The following LCA5 variants were observed in gnomAD, a reference collection of about 807,000 sequenced individuals.
LCA5 encodes the protein lebercilin LCA5.
Under a neutral mutation model 53.0 loss-of-function variants are expected in LCA5, and 37 were observed. The observed-to-expected ratio is 0.70, with a 90% confidence interval of 0.54 to 0.92. The LOEUF (loss-of-function observed/expected upper bound fraction) is 0.92. Ranked by LOEUF, LCA5 falls within the 40% of genes least tolerant of loss-of-function variation. The probability of loss-of-function intolerance (pLI) is 0.00; values close to 1 mark genes in which losing one functional copy is unlikely to be tolerated. For synonymous variants in LCA5, 303 were observed against 282.9 expected (o/e 1.07, Z -0.71); for missense variants, 806 against 790.5 (o/e 1.02, Z -0.23).
At chr6:79,526,468 C>CA (rs1766793531) in intron 1 of LCA5, among the ~76,000 whole-genome samples, 1 of 152,002 alleles carries the variant, frequency 6.6e-6, no homozygotes, top group Non-Finnish European at 1.5e-5. Flanking sequence ...GGCGTGAACC[C>CA]AGGAGGCAGA....
intron 1 of LCA5, among the ~76,000 whole-genome samples, chr6:79,520,739 T>C (rs1766600893): frequency 6.6e-6 from 1 of 152,192 alleles, no homozygotes; most frequent in South Asian, 2.1e-4. Flanking sequence ...ATGAAGTATA[T>C]GTAATACTAT....
chr6:79,494,264 T>C (rs1319702313), intron 3 of LCA5, among the ~76,000 whole-genome samples: 1 of 151,986 alleles, frequency 6.6e-6, no homozygotes, highest in Non-Finnish European at 1.5e-5. Flanking sequence ...ACACACACAT[T>C]GCTTGGGCAA....
At chr6:79,527,718 C>T (rs1766833263) in intron 1 of LCA5, among the ~76,000 whole-genome samples, 1 of 152,154 alleles carries the variant, frequency 6.6e-6, no homozygotes, top group Admixed American at 6.5e-5. Flanking sequence ...ATTTAAAATG[C>T]AATCCTATAC....
At chr6:79,489,926 T>C (rs1433844769) in intron 6 of LCA5, among the ~76,000 whole-genome samples, 1 of 152,220 alleles carries the variant, frequency 6.6e-6, no homozygotes, top group East Asian at 1.9e-4. Context: ...TGGAAGTACA[T>C]GTGCAACTTC....
At position 79,510,780 on chromosome 6, in the gene LCA5, A is replaced by T. The variant is rs908699773; in HGVS notation, c.720+2432T>A. Among the ~76,000 whole-genome samples, 9 of 152,196 alleles carry T rather than the reference A, an allele frequency of 5.9e-5. 1 individual carries two copies. The highest frequency in any genetic ancestry group is 2.6e-4 in the Admixed American group (4 of 15,274). On this transcript the variant is annotated intron_variant, in intron 3 of 7. Transcript: ENST00000369846. ...AATTAGGAAATGGGCAGAAAAATGC[A>T]CAGATCTACAGATGGCACATAAGCA...
intron 3 of LCA5, among the ~76,000 whole-genome samples, chr6:79,508,910 C>T (rs1038602192): frequency 3.9e-5 from 6 of 151,970 alleles, no homozygotes; most frequent in African/African-American, 1.2e-4. Context: ...AAAACAAATG[C>T]TAAATTTTGC....
chr6:79,513,252 GA>G lies in LCA5; in HGVS notation c.679del (p.Ser227GlnfsTer4), dbSNP rs376780475. 6.2e-7 allele frequency: 1 copy of G among 1,613,608 alleles called. No individual in the cohort carries two copies. Among genetic ancestry groups the G allele is most frequent in the East Asian group, 2.2e-5 (1 of 44,830 alleles). On this transcript the variant is annotated frameshift_variant, in exon 3 of 8. Transcript: ENST00000369846. LOFTEE classifies it high-confidence loss of function. ...GGTGTCATCTAACTTTAACTCTGCT[GA>G]AACTAGTTTCTTTGCCAAATCATCT... ...ERDDLAKKLV[S>X]AELKLDDTER...
intron 3 of LCA5, among the ~76,000 whole-genome samples, chr6:79,501,270 T>C (rs1199460937): frequency 6.6e-6 from 1 of 152,158 alleles, no homozygotes; most frequent in East Asian, 1.9e-4. Context: ...TTGGGCCTCC[T>C]ATTTTTGAAC....
chr6:79,507,619 G>A (rs1041627397), intron 3 of LCA5, among the ~76,000 whole-genome samples: 2 of 152,020 alleles, frequency 1.3e-5, no homozygotes, highest in Non-Finnish European at 2.9e-5. Context: ...GATCCTGTAC[G>A]GCAGACACAC....
Position 79,486,551 on chromosome 6 carries a change from C to G in LCA5, c.*453G>C, listed in dbSNP as rs1769660625. The G allele has an allele frequency of 6.3e-6, 1 of 159,928 alleles. No individual in the cohort carries two copies. The highest frequency in any genetic ancestry group is 2.4e-5 in the African/African-American group (1 of 41,470). 9.9% of individuals were successfully genotyped at this position (159,928 alleles called of 1,614,324 possible). On this transcript the variant is annotated 3_prime_UTR_variant, in exon 8 of 8. Transcript: ENST00000369846. ...GCCCTATCCATAAAGGGAAGGGCTC[C>G]TAAGAAGCACTGGTTCTCCACCATC...
chr6:79,487,773 T>A lies in LCA5; in HGVS notation c.1325A>T (p.Gln442Leu). The A allele has an allele frequency of 6.2e-7, 1 of 1,613,472 alleles. No homozygotes were observed. Among genetic ancestry groups the A allele is most frequent in the Non-Finnish European group, 8.5e-7 (1 of 1,179,700 alleles). The part of the protein sequence containing the change: ...EKPEWETGRY[Q>L]LGMYPIQNMD... Reference sequence around the variant, plus strand: ...ATTCTGAATTGGATACATTCCTAGTTGGTACCTTCCAGTTTCCCACTCTGG... The same window carrying A: ...ATTCTGAATTGGATACATTCCTAGTAGGTACCTTCCAGTTTCCCACTCTGG... The change falls in exon 8 of 8, where the codon CAA becomes CTA. Residue 442 changes from glutamine (Q) to leucine (L), a missense_variant. Gln to Leu is a moderately radical substitution (Grantham distance 113). Transcript: ENST00000369846.
intron 7 of LCA5, chr6:79,488,548 G>A (rs564155062): frequency 2.6e-4 from 41 of 157,394 alleles, no homozygotes; most frequent in Non-Finnish European, 4.5e-4. Flanking sequence ...TAATATGAAT[G>A]ACAGATCAGA....
At chr6:79,517,142 A>ACTAC (rs1252106393) in intron 2 of LCA5, among the ~76,000 whole-genome samples, 2 of 152,088 alleles carry the variant, frequency 1.3e-5, no homozygotes, top group African/African-American at 2.4e-5. Flanking sequence ...GAAACGTATC[A>ACTAC]GTTTGGTCTT....
At position 79,513,726 on chromosome 6, in the gene LCA5, C is replaced by T; in HGVS notation, c.206G>A (p.Ser69Asn). The T allele has an allele frequency of 6.2e-7, 1 of 1,613,464 alleles. No individual in the cohort carries two copies. Residue 69 changes from serine (S) to asparagine (N), a missense_variant, in exon 3 of 8, where the codon AGC becomes AAC. Transcript: ENST00000369846. ...QVHHQAPRKP[S>N]PKGLPNRKGV... ...CTTTCTGTTTGGTAGACCCTTAGGG[C>T]TTGGTTTCCGAGGGGCTAAAAAAGA...
upstream of LCA5, among the ~76,000 whole-genome samples, chr6:79,537,886 TGA>T (rs1409986563): frequency 6.6e-6 from 1 of 152,024 alleles, no homozygotes; most frequent in Non-Finnish European, 1.5e-5. Context: ...GGATGCGGGG[TGA>T]GTGCACTATT....
chr6:79,486,792 T>C lies in LCA5; in HGVS notation c.*212A>G. 2.1e-6 allele frequency: 1 copy of C among 466,224 alleles called. No homozygotes were observed. The highest frequency in any genetic ancestry group is 3.7e-6 in the Non-Finnish European group (1 of 268,184). 28.9% of individuals were successfully genotyped at this position (466,224 alleles called of 1,614,324 possible). A position where few individuals can be genotyped will look rare whatever the true frequency, so the allele number is the denominator to read the frequency against. On this transcript the variant is annotated 3_prime_UTR_variant, in exon 8 of 8. Transcript: ENST00000369846. ...CATTTTTCAAGACATATTTTTATTTTTGGTTTCATTCAAAAAAGCCTCCTT... is the reference window on the plus strand; with the variant it reads ...CATTTTTCAAGACATATTTTTATTTCTGGTTTCATTCAAAAAAGCCTCCTT...
At chr6:79,537,664 C>G (rs1327709972), upstream of LCA5, among the ~76,000 whole-genome samples, 10 of 152,140 alleles carry the variant, frequency 6.6e-5, no homozygotes, top group Admixed American at 2.0e-4. Flanking sequence ...TGCCAGGGCT[C>G]GACTGCTGAG....
At chr6:79,537,756 TAAAACACTTAAC>T (rs758252619), upstream of LCA5, among the ~76,000 whole-genome samples, 2 of 152,236 alleles carry the variant, frequency 1.3e-5, no homozygotes, top group Non-Finnish European at 2.9e-5. Context: ...CTGCGTAATG[TAAAACACTTAAC>T]AATTGCTTAG....
intron 4 of LCA5, 93 bp downstream of exon 4, chr6:79,493,520 C>A: frequency 3.3e-6 from 4 of 1,201,932 alleles, no homozygotes; most frequent in Non-Finnish European, 4.8e-6. Context: ...ATTGTACCAA[C>A]TTACAAATAT....
Sources: gnomAD v4.1 joint callset for allele counts (sites outside exome capture counted in the v4.1 genomes callset) on GRCh38, gnomAD v4.1.1 for gene constraint, MANE v1.5 for transcripts, NCBI Gene and HGNC (gene_info 2026-07-23, HGNC 2026-07-21) for gene names.